Variants in USP48 observed in about 807,000 individuals in gnomAD.
USP48 encodes the protein ubiquitin specific peptidase 48.
USP48 carries 43 observed loss-of-function variants against 150.7 expected under a neutral mutation model. That is an observed-to-expected ratio of 0.29 (90% confidence interval 0.22 to 0.37). The LOEUF (loss-of-function observed/expected upper bound fraction) is 0.37. Ranked by LOEUF, USP48 falls within the 10% of genes least tolerant of loss-of-function variation. The pLI is 1.00. For synonymous variants in USP48, 396 were observed against 425.9 expected (o/e 0.93, Z 0.86); for missense variants, 813 against 1,249.6 (o/e 0.65, Z 5.27).
intron 1 of USP48, among the ~76,000 whole-genome samples, chr1:21,778,135 T>C (rs1333538060): frequency 4.7e-5 from 7 of 147,876 alleles, no homozygotes; most frequent in Non-Finnish European, 7.4e-5. Flanking sequence ...AGAGTGAGAC[T>C]CCGTCTGAAA....
intron 10 of USP48, among the ~76,000 whole-genome samples, chr1:21,729,167 C>G (rs1244516244): frequency 2.0e-5 from 3 of 151,892 alleles, no homozygotes; most frequent in Admixed American, 6.6e-5. Context: ...CCTGTAATCC[C>G]AGCTACTCGG....
intron 15 of USP48, among the ~76,000 whole-genome samples, chr1:21,708,998 C>T (rs911620501): frequency 6.6e-6 from 1 of 151,850 alleles, no homozygotes; most frequent in East Asian, 1.9e-4. Context: ...CAGCCTCGAC[C>T]TCCTGGGCTC....
At chr1:21,731,608 C>T (rs998928064) in intron 9 of USP48, among the ~76,000 whole-genome samples, 3 of 147,802 alleles carry the variant, frequency 2.0e-5, no homozygotes, top group Admixed American at 6.7e-5. Context: ...GGGCCAGGTG[C>T]GGTGGCTCAT....
intron 1 of USP48, among the ~76,000 whole-genome samples, chr1:21,773,732 AAAAC>A (rs1457293979): frequency 1.3e-5 from 2 of 152,190 alleles, no homozygotes; most frequent in Admixed American, 6.6e-5. Flanking sequence ...AACCTAAGTG[AAAAC>A]ACTCACTCAA....
At chr1:21,774,650 GTACTCCA>G (rs1230000154) in intron 1 of USP48, among the ~76,000 whole-genome samples, 1 of 151,954 alleles carries the variant, frequency 6.6e-6, no homozygotes, top group East Asian at 1.9e-4. Context: ...TTGCACCACT[GTACTCCA>G]GCCTGGCAAC....
At position 21,748,155 on chromosome 1, in the gene USP48, C is replaced by T. The variant is rs2097800065; in HGVS notation, c.891G>A (p.Met297Ile). ...ACATTTACCTGTCAAAGACAAAACG[C>T]ATTAGCTGCAAGTTCAGAGTGCAAG... ...SLPCTLNLQLMRFVFDRQTGH... is the reference protein window; with the variant it reads ...SLPCTLNLQLIRFVFDRQTGH... The change falls in exon 7 of 27, where the codon ATG (methionine) becomes ATA (isoleucine). Residue 297 changes from methionine to isoleucine, a missense_variant. Transcript: ENST00000308271. 6.2e-7 allele frequency: 1 copy of T among 1,613,444 alleles called. No individual in the cohort carries two copies.
At chr1:21,730,303 T>C (rs1358260560) in intron 9 of USP48, among the ~76,000 whole-genome samples, 2 of 151,920 alleles carry the variant, frequency 1.3e-5, no homozygotes, top group African/African-American at 2.4e-5. Flanking sequence ...ATTAAGCAGG[T>C]GTGGTGGTGC....
chr1:21,730,849 C>T (rs531354918), intron 9 of USP48, among the ~76,000 whole-genome samples: 3 of 151,622 alleles, frequency 2.0e-5, no homozygotes, highest in African/African-American at 7.3e-5. Context: ...CAACCTCTAC[C>T]TCCTGGGTTC....
At chr1:21,698,701 T>C (rs1028394571) in intron 22 of USP48, among the ~76,000 whole-genome samples, 2 of 152,150 alleles carry the variant, frequency 1.3e-5, no homozygotes, top group Non-Finnish European at 2.9e-5. Flanking sequence ...TCCCCCATCC[T>C]GGATATCACG....
intron 25 of USP48, among the ~76,000 whole-genome samples, chr1:21,685,497 T>C (rs996548208): frequency 6.6e-6 from 1 of 152,128 alleles, no homozygotes; most frequent in African/African-American, 2.4e-5. Context: ...GTAATTTTAG[T>C]AGAGATGGGG....
chr1:21,724,991 C>G (rs1054577468), intron 11 of USP48: 2 of 152,164 alleles, frequency 1.3e-5, no homozygotes, highest in Non-Finnish European at 2.9e-5. Context: ...ATTATATACT[C>G]CTTCTGATGA....
chr1:21,681,786 G>A (rs1430396812), intron 25 of USP48, among the ~76,000 whole-genome samples: 2 of 152,088 alleles, frequency 1.3e-5, no homozygotes, highest in Non-Finnish European at 2.9e-5. Context: ...GGTATGACTT[G>A]GTCTTTCTGG....
chr1:21,774,387 TA>T (rs1421596492), intron 1 of USP48, among the ~76,000 whole-genome samples: 1 of 151,876 alleles, frequency 6.6e-6, no homozygotes, highest in Non-Finnish European at 1.5e-5. Flanking sequence ...TACATAAGAA[TA>T]TTTTTTAAGA....
chr1:21,743,476 C>T (rs940570187), intron 8 of USP48, among the ~76,000 whole-genome samples: 1 of 152,092 alleles, frequency 6.6e-6, no homozygotes, highest in African/African-American at 2.4e-5. Context: ...TTCAATAACC[C>T]AGGTGAAGAA....
chr1:21,701,256 C>T (rs2097655494), intron 22 of USP48, among the ~76,000 whole-genome samples: 1 of 149,922 alleles, frequency 6.7e-6, no homozygotes, highest in South Asian at 2.1e-4. Flanking sequence ...ATCCCAGCTA[C>T]TTAGGAGGCT....
chr1:21,691,656 T>C (rs1444570135), intron 23 of USP48, among the ~76,000 whole-genome samples: 2 of 152,116 alleles, frequency 1.3e-5, no homozygotes, highest in African/African-American at 4.8e-5. Flanking sequence ...ATACATACAT[T>C]CCAAAATACT....
intron 9 of USP48, among the ~76,000 whole-genome samples, chr1:21,731,616 C>A (rs1468075027): frequency 6.6e-6 from 1 of 151,008 alleles, no homozygotes; most frequent in Non-Finnish European, 1.5e-5. Flanking sequence ...TGCGGTGGCT[C>A]ATGCCTGTAA....
intron 22 of USP48, among the ~76,000 whole-genome samples, chr1:21,699,192 A>ATTTTTTTTTTTTTTTTTT (rs71016932): frequency 1.6e-5 from 1 of 63,612 alleles, no homozygotes; most frequent in Non-Finnish European, 3.1e-5. Context: ...ACCACACCTA[A>ATTTTTTTTTTTTTTTTTT]TTTTTTTTTT....
At chr1:21,753,801 T>C (rs1432715755) in intron 3 of USP48, among the ~76,000 whole-genome samples, 2 of 133,338 alleles carry the variant, frequency 1.5e-5, no homozygotes, top group Non-Finnish European at 3.1e-5. Flanking sequence ...CACTCCAGCC[T>C]GGATGACAGA....
Sources: allele counts gnomAD v4.1 joint callset (sites outside exome capture counted in the v4.1 genomes callset), GRCh38; gene constraint gnomAD v4.1.1; transcripts MANE v1.5; gene names NCBI Gene and HGNC (gene_info 2026-07-23, HGNC 2026-07-21).